ST8SIA4: variants seen among roughly 807,000 people sequenced by gnomAD.
The protein encoded by ST8SIA4 is ST8 alpha-N-acetyl-neuraminide alpha-2,8-sialyltransferase 4, also known as CMP-N-acetylneuraminate-poly-alpha-2,8-sialyltransferase.
A neutral mutation model predicts 33.9 loss-of-function variants in ST8SIA4; 15 were observed. The ratio of observed to expected loss-of-function variants is 0.44; its 90% confidence interval spans 0.30 to 0.68. The LOEUF (loss-of-function observed/expected upper bound fraction) is 0.68, where lower values mean the gene tolerates loss of function less well. Among genes scored for constraint, ST8SIA4 ranks in the 30% least tolerant of loss-of-function variants. The probability of loss-of-function intolerance (pLI) is 0.10; values close to 1 mark genes in which losing one functional copy is unlikely to be tolerated. For missense variants in ST8SIA4, 321 were observed against 428.0 expected (o/e 0.75, Z 2.21); for synonymous variants, 171 against 151.2 (o/e 1.13, Z -0.96).
intron 3 of ST8SIA4, among the ~76,000 whole-genome samples, chr5:100,863,762 A>C (rs963885237): frequency 1.3e-5 from 2 of 152,224 alleles, no homozygotes; most frequent in Non-Finnish European, 2.9e-5. Context: ...AATTTATTTA[A>C]ATGTAATCTA....
At chr5:100,880,734 T>C (rs1001626407) in intron 3 of ST8SIA4, among the ~76,000 whole-genome samples, 8 of 152,166 alleles carry the variant, frequency 5.3e-5, no homozygotes, top group African/African-American at 1.9e-4. Flanking sequence ...GAGAAATCAT[T>C]TGACTCCTGA....
intron 4 of ST8SIA4, among the ~76,000 whole-genome samples, chr5:100,833,779 A>T (rs957313818): frequency 2.0e-5 from 3 of 152,214 alleles, no homozygotes; most frequent in African/African-American, 7.2e-5. Context: ...TGTCAATTTC[A>T]TCAGCAGGCC....
At chr5:100,849,337 GGTTT>G (rs1340140764) in intron 4 of ST8SIA4, 1 of 985,250 alleles carries the variant, frequency 1.0e-6, no homozygotes, top group Non-Finnish European at 1.2e-6. Flanking sequence ...GAATAGGAAA[GGTTT>G]GTTTTCGTCT....
chr5:100,886,136 A>G, intron 3 of ST8SIA4: 1 of 1,353,492 alleles, frequency 7.4e-7, no homozygotes, highest in Non-Finnish European at 9.5e-7. Context: ...TGTTGCTATG[A>G]CAGGATCACT....
At chr5:100,885,983 A>G (rs1162636221) in intron 3 of ST8SIA4, 3 of 890,414 alleles carry the variant, frequency 3.4e-6, no homozygotes, top group Non-Finnish European at 4.1e-6. Context: ...AATATTCATA[A>G]TCTTTATACA....
chr5:100,812,244 T>G, intron 4 of ST8SIA4, 115 bp from the exon 5 acceptor site: 1 of 776,570 alleles, frequency 1.3e-6, no homozygotes. Flanking sequence ...AATAATATTT[T>G]AAAGAATTAC....
chr5:100,839,815 T>C (rs1469197889), intron 4 of ST8SIA4, among the ~76,000 whole-genome samples: 2 of 151,872 alleles, frequency 1.3e-5, no homozygotes, highest in Non-Finnish European at 2.9e-5. Flanking sequence ...GAGATTGGTC[T>C]AAAGAGAGCT....
rs1388683238 is a variant in ST8SIA4 at position 100,807,652 on chromosome 5, T to A, written c.*4195A>T. On this transcript the variant is annotated 3_prime_UTR_variant, in exon 5 of 5. Transcript: ENST00000231461. ...ACATAGAATTCAGTTATAAAGTAGATACCTCTTAAAGCACGTTAGTAACTG... is the reference window on the plus strand; with the variant it reads ...ACATAGAATTCAGTTATAAAGTAGAAACCTCTTAAAGCACGTTAGTAACTG... 1 of 152,540 alleles carries A rather than the reference T, an allele frequency of 6.6e-6. No homozygotes were observed. The highest frequency in any genetic ancestry group is 1.5e-5 in the Non-Finnish European group (1 of 67,962). The allele number at this position is 152,540 out of a possible 1,614,324, so 9.4% of individuals were successfully genotyped here.
At chr5:100,828,105 A>G (rs1751179771) in intron 4 of ST8SIA4, among the ~76,000 whole-genome samples, 1 of 152,196 alleles carries the variant, frequency 6.6e-6, no homozygotes, top group Non-Finnish European at 1.5e-5. Context: ...TGCGATTGCA[A>G]CTACAAAAAC....
Position 100,811,764 on chromosome 5 carries a change from C to T in ST8SIA4, c.*83G>A. On this transcript the variant is annotated 3_prime_UTR_variant, in exon 5 of 5. Transcript: ENST00000231461. ...TCAGTTCATTGGTGGATGCTGAAAC[C>T]CAGCCGTGTTTTGGATCCTATTTTC... The T allele has an allele frequency of 7.1e-7, 1 of 1,410,470 alleles. No individual in the cohort carries two copies. Among genetic ancestry groups the T allele is most frequent in the Non-Finnish European group, 9.5e-7 (1 of 1,048,194 alleles). 87.4% of individuals were successfully genotyped at this position (1,410,470 alleles called of 1,614,324 possible).
At chr5:100,831,654 T>C (rs1027582791) in intron 4 of ST8SIA4, among the ~76,000 whole-genome samples, 1 of 152,212 alleles carries the variant, frequency 6.6e-6, no homozygotes, top group Non-Finnish European at 1.5e-5. Context: ...ATCTCCATTG[T>C]GTTTCATGAA....
intron 3 of ST8SIA4, among the ~76,000 whole-genome samples, chr5:100,864,235 G>A (rs1752010609): frequency 6.6e-6 from 1 of 152,094 alleles, no homozygotes; most frequent in Non-Finnish European, 1.5e-5. Context: ...GTAATACGGA[G>A]GGTAAAGCGT....
In ST8SIA4 at chr5:100,833,084, G is replaced by T. The variant is rs778277042; in HGVS notation, c.798-20955C>A. ...CAAACTCTGTACCCTTATATCACAC[G>T]TAGGTGTCTGCTTGGTTGTATTTGG... On this transcript the variant is annotated intron_variant, in intron 4 of 4. Transcript: ENST00000231461. Among the ~76,000 whole-genome samples, 425 of 152,144 alleles carry T rather than the reference G, an allele frequency of 2.8e-3. 3 individuals are homozygous for T. Among genetic ancestry groups the T allele is most frequent in the Non-Finnish European group, 4.5e-3 (309 of 67,984 alleles).
At chr5:100,848,621 T>C (rs1205931719) in intron 4 of ST8SIA4, among the ~76,000 whole-genome samples, 1 of 150,228 alleles carries the variant, frequency 6.7e-6, no homozygotes, top group Non-Finnish European at 1.5e-5. Flanking sequence ...GTATAGACTA[T>C]ATAAAGTCTG....
chr5:100,890,940 T>C (rs1298446061), intron 2 of ST8SIA4: 1 of 151,876 alleles, frequency 6.6e-6, no homozygotes, highest in East Asian at 1.9e-4. Context: ...TTTAACTGAA[T>C]TTTCAACTAG....
chr5:100,843,293 T>C (rs914721751), intron 4 of ST8SIA4, among the ~76,000 whole-genome samples: 2 of 151,884 alleles, frequency 1.3e-5, no homozygotes, highest in African/African-American at 2.4e-5. Flanking sequence ...ACTTTCATTA[T>C]GAAAACAATT....
At chr5:100,873,501 A>C (rs1021664492) in intron 3 of ST8SIA4, among the ~76,000 whole-genome samples, 3 of 152,162 alleles carry the variant, frequency 2.0e-5, no homozygotes, top group Non-Finnish European at 4.4e-5. Context: ...TAAACAAAGT[A>C]AGGAGTGGTA....
At chr5:100,898,698 A>C (rs1580490443) in intron 1 of ST8SIA4, among the ~76,000 whole-genome samples, 2 of 152,198 alleles carry the variant, frequency 1.3e-5, no homozygotes, top group Non-Finnish European at 2.9e-5. Context: ...CCTTGGTAGC[A>C]TTCTGTCTCA....
chr5:100,890,434 A>G (rs1043151746), intron 2 of ST8SIA4: 1 of 151,986 alleles, frequency 6.6e-6, no homozygotes, highest in Non-Finnish European at 1.5e-5. Context: ...GACAATTGAT[A>G]GAAATTTTTG....
Sources: gnomAD v4.1 joint callset for allele counts (sites outside exome capture counted in the v4.1 genomes callset) on GRCh38, gnomAD v4.1.1 for gene constraint, MANE v1.5 for transcripts, NCBI Gene and HGNC (gene_info 2026-07-23, HGNC 2026-07-21) for gene names.